Variants in AMBRA1 observed in about 807,000 individuals in gnomAD.
The protein encoded by AMBRA1 is activating molecule in BECN1-regulated autophagy protein 1.
AMBRA1 carries 47 observed loss-of-function variants against 125.4 expected under a neutral mutation model. The observed-to-expected ratio is 0.37, with a 90% CI of 0.30 to 0.48. The LOEUF is 0.48. AMBRA1 is among the 20% of genes least tolerant of loss of function. AMBRA1 has a pLI of 0.99. For missense variants in AMBRA1, 1,331 were observed against 1,693.4 expected (o/e 0.79, Z 3.76); for synonymous variants, 626 against 655.5 (o/e 0.95, Z 0.69).
At chr11:46,454,604 C>A (rs1008452819) in intron 11 of AMBRA1, among the ~76,000 whole-genome samples, 5 of 144,200 alleles carry the variant, frequency 3.5e-5, no homozygotes, top group African/African-American at 7.8e-5. Flanking sequence ...AAAAAAAATT[C>A]TCCGGGCGAG....
intron 1 of AMBRA1, among the ~76,000 whole-genome samples, chr11:46,569,440 A>ATATATAT (rs1555012051): frequency 7.6e-5 from 10 of 131,368 alleles, no homozygotes; most frequent in South Asian, 4.8e-4. Context: ...AAAAAAAAAA[A>ATATATAT]ATATATATAT....
chr11:46,586,404 A>T (rs12295266), intron 1 of AMBRA1, among the ~76,000 whole-genome samples: 27,220 of 152,104 alleles, frequency 0.18, 2,646 homozygotes, highest in African/African-American at 0.25. Context: ...AAAAAATAAT[A>T]AAAAAATAAT....
intron 14 of AMBRA1, among the ~76,000 whole-genome samples, chr11:46,421,906 A>T (rs1251005810): frequency 6.6e-6 from 1 of 152,210 alleles, no homozygotes; most frequent in Non-Finnish European, 1.5e-5. Context: ...GTACTGACAA[A>T]GACAGTATAA....
chr11:46,525,107 T>C (rs1194389028), intron 7 of AMBRA1, among the ~76,000 whole-genome samples: 4 of 151,354 alleles, frequency 2.6e-5, no homozygotes, highest in African/African-American at 9.7e-5. Flanking sequence ...CGAGACCAGC[T>C]CGGGCAACCA....
chr11:46,582,092 G>A (rs1275183265), intron 1 of AMBRA1, among the ~76,000 whole-genome samples: 1 of 150,242 alleles, frequency 6.7e-6, no homozygotes, highest in Non-Finnish European at 1.5e-5. Context: ...GCTAGCCTGG[G>A]GAACAGAGAC....
chr11:46,558,256 A>T (rs2043216656), intron 1 of AMBRA1, among the ~76,000 whole-genome samples: 2 of 152,126 alleles, frequency 1.3e-5, no homozygotes, highest in South Asian at 4.1e-4. Context: ...CTAAAACACT[A>T]CTAACCTAAT....
At chr11:46,573,346 G>A (rs2043834187) in intron 1 of AMBRA1, among the ~76,000 whole-genome samples, 1 of 151,812 alleles carries the variant, frequency 6.6e-6, no homozygotes, top group Admixed American at 6.6e-5. Flanking sequence ...AGAGGTTGCA[G>A]TGAGCCGAGA....
chr11:46,515,593 G>C (rs1412765704), intron 7 of AMBRA1, among the ~76,000 whole-genome samples: 1 of 152,220 alleles, frequency 6.6e-6, no homozygotes, highest in East Asian at 1.9e-4. Context: ...TGAGTGAGAT[G>C]AGATGATTTA....
chr11:46,489,428 G>A (rs1448510392), intron 11 of AMBRA1, among the ~76,000 whole-genome samples: 1 of 152,130 alleles, frequency 6.6e-6, no homozygotes, highest in Non-Finnish European at 1.5e-5. Context: ...ACAGGCGTGA[G>A]CCACCGCACC....
At chr11:46,416,517 A>C (rs1208225408) in intron 15 of AMBRA1, among the ~76,000 whole-genome samples, 2 of 152,240 alleles carry the variant, frequency 1.3e-5, no homozygotes, top group Non-Finnish European at 2.9e-5. Flanking sequence ...CCTAAGAACC[A>C]GTTTTCCTTT....
chr11:46,516,624 A>G (rs1163784071), intron 7 of AMBRA1, among the ~76,000 whole-genome samples: 2 of 151,742 alleles, frequency 1.3e-5, no homozygotes, highest in Non-Finnish European at 2.9e-5. Flanking sequence ...TAGTAGAGAC[A>G]GGGTTTCACC....
chr11:46,403,137 C>A (rs995118860), intron 17 of AMBRA1, among the ~76,000 whole-genome samples: 1 of 152,234 alleles, frequency 6.6e-6, no homozygotes, highest in Non-Finnish European at 1.5e-5. Flanking sequence ...TCCTAAGGTA[C>A]ACTCTAGAAG....
chr11:46,399,711 CTT>C (rs1565115869), intron 17 of AMBRA1, among the ~76,000 whole-genome samples: 1 of 152,160 alleles, frequency 6.6e-6, no homozygotes, highest in Non-Finnish European at 1.5e-5. Flanking sequence ...GTTTCCTTCT[CTT>C]CTTTCCCTTT....
At chr11:46,572,232 C>A (rs1422664635) in intron 1 of AMBRA1, among the ~76,000 whole-genome samples, 1 of 151,874 alleles carries the variant, frequency 6.6e-6, no homozygotes, top group Admixed American at 6.6e-5. Context: ...ACCCGGGAGG[C>A]GGAGGTTGCA....
intron 14 of AMBRA1, among the ~76,000 whole-genome samples, chr11:46,432,934 T>C (rs1286284108): frequency 6.6e-6 from 1 of 152,216 alleles, no homozygotes. Flanking sequence ...AAGGCTTTTA[T>C]GGCAATATAA....
At chr11:46,551,996 C>A (rs1166981996) in intron 1 of AMBRA1, among the ~76,000 whole-genome samples, 2 of 150,790 alleles carry the variant, frequency 1.3e-5, no homozygotes, top group Non-Finnish European at 3.0e-5. Context: ...CCACTGCACT[C>A]CGGCCTGGGT....
chr11:46,475,970 T>G (rs1844758201), intron 11 of AMBRA1, among the ~76,000 whole-genome samples: 1 of 152,220 alleles, frequency 6.6e-6, no homozygotes. Context: ...AAAAGAACAC[T>G]GTTCCCCTCC....
At chr11:46,533,317 A>G (rs1952304415) in intron 7 of AMBRA1, among the ~76,000 whole-genome samples, 1 of 152,202 alleles carries the variant, frequency 6.6e-6, no homozygotes, top group Non-Finnish European at 1.5e-5. Flanking sequence ...ACAATTGTAC[A>G]TTTCTGTAAT....
intron 1 of AMBRA1, among the ~76,000 whole-genome samples, chr11:46,578,868 G>A (rs1230498275): frequency 4.9e-4 from 48 of 97,812 alleles, no homozygotes; most frequent in African/African-American, 1.9e-3. Context: ...CTGGGCGACA[G>A]AGAGACTCAG....
Sources: allele counts gnomAD v4.1 joint callset (sites outside exome capture counted in the v4.1 genomes callset), GRCh38; gene constraint gnomAD v4.1.1; transcripts MANE v1.5; gene names NCBI Gene and HGNC (gene_info 2026-07-23, HGNC 2026-07-21).